The following KAZN variants were observed in gnomAD, a reference collection of about 807,000 sequenced individuals.
The protein encoded by KAZN is kazrin.
Under a neutral mutation model 87.4 loss-of-function variants are expected in KAZN, and 40 were observed. That is an observed-to-expected ratio of 0.46 (90% CI 0.36 to 0.60). The LOEUF is 0.60. Among genes scored for constraint, KAZN ranks in the 20% least tolerant of loss-of-function variants. The pLI, the probability that KAZN is intolerant of heterozygous loss-of-function variation, is 0.00. For missense variants in KAZN, 898 were observed against 1,073.9 expected (o/e 0.84, Z 2.29); for synonymous variants, 466 against 458.3 (o/e 1.02, Z -0.22).
chr1:13,973,713 G>T (rs963584685), intron 1 of KAZN, among the ~76,000 whole-genome samples: 1 of 152,160 alleles, frequency 6.6e-6, no homozygotes, highest in African/African-American at 2.4e-5. Flanking sequence ...TGACAGTGTC[G>T]TGCATCTTCT....
Position 14,118,029 on chromosome 1 carries a change from A to G in KAZN, c.92-62406A>G, listed in dbSNP as rs1302607846. On this transcript the variant is annotated intron_variant, in intron 1 of 16. Coordinates refer to the KAZN transcript ENST00000636203. ...TCTGCTGCCTCTGGAACCTAATCCC[A>G]TGGTCCAGGGGCTTGAGACCGGGGC... Among the ~76,000 whole-genome samples the G allele has an allele frequency of 2.6e-5, 4 of 152,254 alleles. No homozygotes were observed. The East Asian group carries it at 5.8e-4, about 22-fold the overall frequency.
At chr1:13,992,640 C>T (rs186188119) in intron 1 of KAZN, among the ~76,000 whole-genome samples, 1 of 152,192 alleles carries the variant, frequency 6.6e-6, no homozygotes, top group East Asian at 1.9e-4. Context: ...GCAAATTGTA[C>T]ATGAAAGTAA....
At chr1:14,801,552 A>G (rs891929995) in intron 1 of KAZN, among the ~76,000 whole-genome samples, 1 of 152,056 alleles carries the variant, frequency 6.6e-6, no homozygotes, top group Admixed American at 6.5e-5. Flanking sequence ...GCCTCCCCAG[A>G]TAGTGGCCGT....
chr1:14,980,812 C>T (rs1274533964), intron 2 of KAZN, among the ~76,000 whole-genome samples: 7 of 152,152 alleles, frequency 4.6e-5, no homozygotes, highest in Admixed American at 3.3e-4. Flanking sequence ...CCTCAGTTGA[C>T]ACCAAAGGAA....
At chr1:14,152,429 CATGCA>C (rs2101802638) in intron 1 of KAZN, among the ~76,000 whole-genome samples, 1 of 152,324 alleles carries the variant, frequency 6.6e-6, no homozygotes, top group Non-Finnish European at 1.5e-5. Context: ...TAAGTGAGAA[CATGCA>C]ATGTTTGTCT....
At chr1:14,998,059 C>G (rs893013181) in intron 2 of KAZN, among the ~76,000 whole-genome samples, 2 of 151,910 alleles carry the variant, frequency 1.3e-5, no homozygotes, top group African/African-American at 4.8e-5. Context: ...GGAAGTCGAA[C>G]TGTGGGTCTG....
At chr1:14,365,384 C>A (rs1571406612) in intron 2 of KAZN, among the ~76,000 whole-genome samples, 1 of 99,812 alleles carries the variant, frequency 1.0e-5, no homozygotes, top group Non-Finnish European at 2.0e-5. Flanking sequence ...GGGGGGGGGT[C>A]TTTCAAGGTC....
At chr1:14,762,235 C>T (rs1224784022) in intron 1 of KAZN, among the ~76,000 whole-genome samples, 2 of 152,116 alleles carry the variant, frequency 1.3e-5, no homozygotes, top group Admixed American at 6.6e-5. Context: ...GGCCGCCATT[C>T]GATGGGGAAG....
intron 2 of KAZN, among the ~76,000 whole-genome samples, chr1:14,395,223 G>C (rs1662796563): frequency 1.3e-5 from 2 of 152,182 alleles, no homozygotes; most frequent in African/African-American, 4.8e-5. Context: ...CAGGTGGTCT[G>C]CTTTAGCTGT....
intron 1 of KAZN, among the ~76,000 whole-genome samples, chr1:14,719,890 C>T (rs182773995): frequency 6.0e-4 from 92 of 152,230 alleles, no homozygotes; most frequent in Non-Finnish European, 1.2e-3. Context: ...CTGGGAAGGG[C>T]ATTCTAGGCA....
At chr1:14,706,847 A>G (rs1642238539) in intron 1 of KAZN, among the ~76,000 whole-genome samples, 1 of 152,146 alleles carries the variant, frequency 6.6e-6, no homozygotes, top group African/African-American at 2.4e-5. Flanking sequence ...TTTCTCTTGT[A>G]GAGATGTATA....
In KAZN at chr1:14,142,105, T is replaced by TA. The variant is rs1413215439; in HGVS notation, c.92-38330_92-38329insA. 5.3e-3 allele frequency among the ~76,000 whole-genome samples: 737 copies of TA among 139,620 alleles called. 2 individuals are homozygous for TA. The highest frequency in any genetic ancestry group is 8.3e-3 in the Non-Finnish European group (549 of 65,970). 91.6% of individuals were successfully genotyped at this position (139,620 alleles called of 152,430 possible). A position where few individuals can be genotyped will look rare whatever the true frequency, so the allele number is the denominator to read the frequency against. On this transcript the variant is annotated intron_variant, in intron 1 of 16. Transcript: ENST00000636203. ...CTATCTTCCTCTTTTCCTCCCTCCT[T>TA]CCCTTTTTTTTTTTTTTTTTGGCTT... is the stretch of plus-strand genomic sequence containing the variant.
intron 2 of KAZN, among the ~76,000 whole-genome samples, chr1:14,591,392 G>A (rs575224585): frequency 8.7e-5 from 13 of 150,230 alleles, no homozygotes; most frequent in African/African-American, 3.2e-4. Context: ...ATATTCTCTT[G>A]TAAGGCCCCG....
chr1:14,384,124 A>G lies in KAZN; in HGVS notation c.249+203532A>G, dbSNP rs569546620. ...TGATTTGGCTCTCTGTTTGTCTGTT[A>G]TTGGTGTATAAGAATGCTTGTGATT... On this transcript the variant is annotated intron_variant, in intron 2 of 16. Coordinates refer to the KAZN transcript ENST00000636203. 6.5e-4 allele frequency among the ~76,000 whole-genome samples: 98 copies of G among 150,542 alleles called. No individual in the cohort carries two copies. In the South Asian group the frequency reaches 0.019, roughly 29 times the overall value.
intron 1 of KAZN, among the ~76,000 whole-genome samples, chr1:14,121,952 G>A (rs1644760601): frequency 6.6e-6 from 1 of 152,210 alleles, no homozygotes; most frequent in South Asian, 2.1e-4. Flanking sequence ...AGGAGCAGCA[G>A]GGAAGCCAGC....
At chr1:14,208,879 C>T (rs1410957622) in intron 2 of KAZN, among the ~76,000 whole-genome samples, 1 of 152,200 alleles carries the variant, frequency 6.6e-6, no homozygotes, top group Non-Finnish European at 1.5e-5. Flanking sequence ...GCTACCCAAA[C>T]TCCATTCTCA....
intron 1 of KAZN, among the ~76,000 whole-genome samples, chr1:14,761,015 T>C: frequency 6.6e-6 from 1 of 152,206 alleles, no homozygotes; most frequent in East Asian, 1.9e-4. Flanking sequence ...GGGCCAGATT[T>C]GGCCCACAGA....
At chr1:14,696,571 A>G (rs1480210667) in intron 1 of KAZN, among the ~76,000 whole-genome samples, 1 of 152,144 alleles carries the variant, frequency 6.6e-6, no homozygotes, top group Non-Finnish European at 1.5e-5. Context: ...TTTCCTGCCT[A>G]TTGCATCCTC....
intron 2 of KAZN, among the ~76,000 whole-genome samples, chr1:14,393,696 G>A (rs904166312): frequency 2.6e-5 from 4 of 152,004 alleles, no homozygotes; most frequent in African/African-American, 9.7e-5. Context: ...TGCTAGCATT[G>A]AGGACCTAAA....
Sources: allele counts gnomAD v4.1 joint callset (sites outside exome capture counted in the v4.1 genomes callset), GRCh38; gene constraint gnomAD v4.1.1; transcripts MANE v1.5; gene names NCBI Gene and HGNC (gene_info 2026-07-23, HGNC 2026-07-21).